Variants in FAM200B observed in about 807,000 individuals in gnomAD.
The protein encoded by FAM200B is zinc finger BED-type containing 11.
A neutral mutation model predicts 33.1 loss-of-function variants in FAM200B; 32 were observed. That is an observed-to-expected ratio of 0.97 (90% CI 0.73 to 1.30). FAM200B has a LOEUF of 1.30. FAM200B is among the 50% of genes most tolerant of loss of function. The pLI is 0.00. For missense variants in FAM200B, 741 were observed against 754.0 expected, an observed-to-expected ratio of 0.98 and a Z score of 0.20; for synonymous variants, 240 against 264.8, an observed-to-expected ratio of 0.91 and a Z score of 0.91.
the FAM200B span, chr4:15,656,153 G>C: frequency 2.2e-6 from 1 of 455,942 alleles, no homozygotes. Flanking sequence ...ATAATGGAAG[G>C]TTGGTGCGGG....
chr4:15,650,555 T>C, the FAM200B span, among the ~76,000 whole-genome samples: 137 of 152,168 alleles, frequency 9.0e-4, no homozygotes, highest in Middle Eastern at 3.4e-3. Context: ...TATACTCTGA[T>C]GCCTCACAAA....
rs1577550822 is a variant in FAM200B at position 15,689,146 on chromosome 4, A to C, written c.*195A>C. On this transcript the variant is annotated 3_prime_UTR_variant, in exon 2 of 2. Transcript: ENST00000422728. ...TGTTAGAGGCCAGGAACTATTCTAG[A>C]GACATTTGGGATACAAAAGTGAACA... is the stretch of plus-strand genomic sequence containing the variant. 1 of 430,858 alleles carries C rather than the reference A, an allele frequency of 2.3e-6. No homozygotes were observed. Among genetic ancestry groups the C allele is most frequent in the East Asian group, 3.8e-5 (1 of 26,432 alleles). The allele number at this position is 430,858 out of a possible 1,614,324, so 26.7% of individuals were successfully genotyped here.
chr4:15,677,789 A>C (rs545037826), upstream of FAM200B, among the ~76,000 whole-genome samples: 1 of 152,340 alleles, frequency 6.6e-6, no homozygotes, highest in South Asian at 2.1e-4. Flanking sequence ...TCTGTGAGTC[A>C]TTCTAGCAAA....
chr4:15,666,463 A>C, the FAM200B span, among the ~76,000 whole-genome samples: 1 of 152,008 alleles, frequency 6.6e-6, no homozygotes, highest in Non-Finnish European at 1.5e-5. Context: ...ATAAAGTTAA[A>C]CTCATATAAG....
At chr4:15,638,701 T>G in the FAM200B span, 1 of 1,547,328 alleles carries the variant, frequency 6.5e-7, no homozygotes, top group Non-Finnish European at 8.8e-7. Flanking sequence ...AAACCTAAAT[T>G]AAACAAAATA....
the FAM200B span, among the ~76,000 whole-genome samples, chr4:15,663,318 T>G: frequency 6.6e-6 from 1 of 152,194 alleles, no homozygotes; most frequent in Non-Finnish European, 1.5e-5. Context: ...GTATCTTTAT[T>G]ATTAGACACC....
chr4:15,681,009 CAA>C (rs1471270914), upstream of FAM200B, among the ~76,000 whole-genome samples: 20 of 150,322 alleles, frequency 1.3e-4, no homozygotes, highest in Admixed American at 4.0e-4. Context: ...TGGTTTGTGA[CAA>C]AGATGCACTT....
At chr4:15,649,745 G>T in the FAM200B span, among the ~76,000 whole-genome samples, 1 of 151,876 alleles carries the variant, frequency 6.6e-6, no homozygotes, top group Non-Finnish European at 1.5e-5. Flanking sequence ...ACATACGGAA[G>T]GAAGCCAATG....
At chr4:15,659,854 A>G in the FAM200B span, 1 of 372,536 alleles carries the variant, frequency 2.7e-6, no homozygotes, top group African/African-American at 2.2e-5. Flanking sequence ...CCTGAGGGAA[A>G]GGTGGCTACT....
chr4:15,655,031 C>CAGCGGGCGGGCAGGCTGCGGG, the FAM200B span, among the ~76,000 whole-genome samples: 2 of 151,062 alleles, frequency 1.3e-5, no homozygotes, highest in African/African-American at 4.8e-5. Flanking sequence ...GAAGGCCTCG[C>CAGCGGGCGGGCAGGCTGCGGG]AGCGGGCGGG....
At chr4:15,642,011 G>C in the FAM200B span, among the ~76,000 whole-genome samples, 1 of 151,330 alleles carries the variant, frequency 6.6e-6, no homozygotes, top group Non-Finnish European at 1.5e-5. Flanking sequence ...ATGGGTGACA[G>C]AGCAAGACTC....
chr4:15,673,515 C>T, the FAM200B span, among the ~76,000 whole-genome samples: 1 of 152,140 alleles, frequency 6.6e-6, no homozygotes, highest in African/African-American at 2.4e-5. Context: ...ACACATAAGA[C>T]ATCATCATTG....
At chr4:15,683,454 T>G (rs972035614) in intron 1 of FAM200B, among the ~76,000 whole-genome samples, 2 of 152,150 alleles carry the variant, frequency 1.3e-5, no homozygotes, top group Non-Finnish European at 2.9e-5. Context: ...GTAACTGAAC[T>G]AGTGTTACAA....
the FAM200B span, chr4:15,656,388 T>TTGG: frequency 2.3e-6 from 1 of 430,106 alleles, no homozygotes; most frequent in South Asian, 1.6e-5. Flanking sequence ...CCTGAGAACC[T>TTGG]TGGGAGGAAT....
In FAM200B at chr4:15,689,322, A is replaced by G. The variant is rs1385567276; in HGVS notation, c.*371A>G. On this transcript the variant is annotated 3_prime_UTR_variant, in exon 2 of 2. Coordinates refer to ENST00000422728, the MANE Select transcript of FAM200B (RefSeq NM_001145191.2). Reference sequence around the variant, plus strand: ...CAGGGAAGTACTGGGGAACCAAACCATGAAGGGTTCTGTAGACCATTATTG... The same window carrying G: ...CAGGGAAGTACTGGGGAACCAAACCGTGAAGGGTTCTGTAGACCATTATTG... 5.8e-6 allele frequency: 1 copy of G among 173,042 alleles called. No homozygotes were observed. Among genetic ancestry groups the G allele is most frequent in the African/African-American group, 2.4e-5 (1 of 41,680 alleles). 10.7% of individuals were successfully genotyped at this position (173,042 alleles called of 1,614,324 possible). A position where few individuals can be genotyped will look rare whatever the true frequency, so the allele number is the denominator to read the frequency against.
At chr4:15,637,811 CAA>C in the FAM200B span, among the ~76,000 whole-genome samples, 1 of 151,710 alleles carries the variant, frequency 6.6e-6, no homozygotes, top group African/African-American at 2.4e-5. Context: ...CAAAAAACTC[CAA>C]GCTATTTTAA....
At chr4:15,655,409 C>A in the FAM200B span, 2 of 1,014,554 alleles carry the variant, frequency 2.0e-6, no homozygotes, top group South Asian at 4.6e-5. Context: ...CGCGCGCGCC[C>A]GGTCGGCTTG....
the FAM200B span, chr4:15,655,350 C>CCATGATTGAA: frequency 4.8e-6 from 6 of 1,257,424 alleles, no homozygotes; most frequent in African/African-American, 7.9e-5. Flanking sequence ...ACACCCTCGC[C>CCATGATTGAA]GCGGGGCAGA....
chr4:15,644,855 T>C, the FAM200B span: 1 of 625,816 alleles, frequency 1.6e-6, no homozygotes, highest in Non-Finnish European at 2.7e-6. Flanking sequence ...ATTCATAAAT[T>C]AACAAGTTAT....
Sources: allele counts gnomAD v4.1 joint callset (sites outside exome capture counted in the v4.1 genomes callset), GRCh38; gene constraint gnomAD v4.1.1; transcripts MANE v1.5; gene names NCBI Gene and HGNC (gene_info 2026-07-23, HGNC 2026-07-21).